FRMPD3: variants seen among roughly 807,000 people sequenced by gnomAD.
FRMPD3 encodes the protein FERM and PDZ domain containing 3, also known as FERM and PDZ domain-containing protein 3.
Under a neutral mutation model 97.9 loss-of-function variants are expected in FRMPD3, and 42 were observed. The observed-to-expected ratio is 0.43, with a 90% confidence interval of 0.34 to 0.55. The LOEUF (loss-of-function observed/expected upper bound fraction) is 0.55, where lower values mean the gene tolerates loss of function less well. Ranked by LOEUF, FRMPD3 falls within the 20% of genes least tolerant of loss-of-function variation. The probability of loss-of-function intolerance (pLI) is 0.03; values close to 1 mark genes in which losing one functional copy is unlikely to be tolerated. For synonymous variants in FRMPD3, 577 were observed against 581.1 expected, an observed-to-expected ratio of 0.99 and a Z score of 0.10; for missense variants, 1,303 against 1,457.7, an observed-to-expected ratio of 0.89 and a Z score of 1.73.
chrX:107,493,137 A>G (rs768380070), intron 1 of FRMPD3, among the ~76,000 whole-genome samples: 1 of 95,323 alleles, frequency 1.0e-5, no homozygotes, highest in African/African-American at 3.9e-5. Context: ...CTGTGATTGT[A>G]TCAATGCACT....
intron 4 of FRMPD3, among the ~76,000 whole-genome samples, chrX:107,540,380 C>T (rs1012444503): frequency 8.9e-6 from 1 of 111,952 alleles, no homozygotes; most frequent in Non-Finnish European, 1.9e-5. Context: ...GTTACCAAAG[C>T]GGGGCCCTAT....
chrX:107,523,829 C>G lies in FRMPD3; in HGVS notation c.-7-2753C>G, dbSNP rs766736455. Among the ~76,000 whole-genome samples, 3 of 112,278 alleles carry G rather than the reference C, an allele frequency of 2.7e-5. No individual in the cohort carries two copies. The South Asian group carries it at 1.1e-3, about 42-fold the overall frequency. ...TGATTCCTCTGGCTCCAGGAGTGCC[C>G]ATTTTCTTCAGAAGTGGTAGTACCT... On this transcript the variant is annotated intron_variant, in intron 1 of 14. Transcript: ENST00000683843.
intron 12 of FRMPD3, among the ~76,000 whole-genome samples, chrX:107,565,940 A>T (rs1922585643): frequency 1.8e-5 from 2 of 111,691 alleles, no homozygotes; most frequent in Non-Finnish European, 3.8e-5. Flanking sequence ...CATTGAAGAG[A>T]GGGTGTCTGA....
intron 13 of FRMPD3, among the ~76,000 whole-genome samples, chrX:107,595,558 C>T (rs985119635): frequency 9.0e-6 from 1 of 111,133 alleles, no homozygotes; most frequent in Admixed American, 9.7e-5. Flanking sequence ...CTATAGATTT[C>T]GGTTAGGTCT....
rs1206650771 is a variant in FRMPD3, at chrX:107,604,714, C to G, written c.*1341C>G. ...GCTTCTCGTCCGCCTCTCCATATCTCCCCATTTCCCACACCCTTGTGCCCT... is the reference window on the plus strand; with the variant it reads ...GCTTCTCGTCCGCCTCTCCATATCTGCCCATTTCCCACACCCTTGTGCCCT... On this transcript the variant is annotated 3_prime_UTR_variant, in exon 15 of 15. Transcript: ENST00000683843. 9.1e-6 allele frequency: 1 copy of G among 110,357 alleles called. No homozygotes were observed. The highest frequency in any genetic ancestry group is 1.9e-5 in the Non-Finnish European group (1 of 52,802). The allele number at this position is 110,357 out of a possible 1,213,427, so 9.1% of individuals were successfully genotyped here.
At chrX:107,595,612 A>G (rs1924128360) in intron 13 of FRMPD3, among the ~76,000 whole-genome samples, 2 of 110,834 alleles carry the variant, frequency 1.8e-5, no homozygotes, top group African/African-American at 6.6e-5. Flanking sequence ...TTCCTTGTTG[A>G]TATTCTGCTT....
At chrX:107,557,522 TA>T (rs1175088405) in intron 8 of FRMPD3, among the ~76,000 whole-genome samples, 1 of 109,458 alleles carries the variant, frequency 9.1e-6, no homozygotes, top group Non-Finnish European at 1.9e-5. Context: ...GTGTCATATC[TA>T]AAAAATCTTT....
intron 13 of FRMPD3, among the ~76,000 whole-genome samples, chrX:107,580,078 A>G (rs903162888): frequency 8.9e-6 from 1 of 112,029 alleles, no homozygotes; most frequent in African/African-American, 3.2e-5. Context: ...GCCAAGTACT[A>G]GAATGCTGGC....
At chrX:107,531,086 A>T (rs1922932737) in intron 3 of FRMPD3, among the ~76,000 whole-genome samples, 1 of 104,992 alleles carries the variant, frequency 9.5e-6, no homozygotes, top group Admixed American at 1.0e-4. Flanking sequence ...CATTGTCTTT[A>T]CCTATCCTTT....
At chrX:107,527,102 A>G (rs1922726235) in intron 2 of FRMPD3, among the ~76,000 whole-genome samples, 1 of 112,109 alleles carries the variant, frequency 8.9e-6, no homozygotes, top group Non-Finnish European at 1.9e-5. Context: ...CTCTAAGCCC[A>G]GCAATGTTGT....
chrX:107,542,019 T>C (rs1036568668), intron 4 of FRMPD3, among the ~76,000 whole-genome samples: 1 of 112,927 alleles, frequency 8.9e-6, no homozygotes, highest in Non-Finnish European at 1.9e-5. Flanking sequence ...TGAGGGCAGA[T>C]GATGGCAGAG....
chrX:107,480,899 A>AAGGAAGGAAGGAAG (rs1569410738), intron 1 of FRMPD3, among the ~76,000 whole-genome samples: 2 of 42,829 alleles, frequency 4.7e-5, no homozygotes, highest in African/African-American at 2.0e-4. Context: ...AAGGAAGGAA[A>AAGGAAGGAAGGAAG]GAAAGAAAGA....
At chrX:107,567,367 A>T (rs1279433975) in intron 12 of FRMPD3, among the ~76,000 whole-genome samples, 1 of 112,092 alleles carries the variant, frequency 8.9e-6, no homozygotes, top group Non-Finnish European at 1.9e-5. Context: ...AATGAATGAG[A>T]CCTGTTATTT....
Position 107,524,113 on chromosome X carries a change from C to T in FRMPD3, c.-7-2469C>T, listed in dbSNP as rs557935308. Among the ~76,000 whole-genome samples, 4 of 112,257 alleles carry T rather than the reference C, an allele frequency of 3.6e-5. No individual in the cohort carries two copies. In the South Asian group the frequency reaches 1.1e-3, roughly 31 times the overall value. On this transcript the variant is annotated intron_variant, in intron 1 of 14. Coordinates refer to ENST00000683843, the MANE Select transcript of FRMPD3 (RefSeq NM_001388459.1). ...GAAGTCCTTTTAGCGCCAACAAGTC[C>T]GGGTGGCAGGAAGCAAAGGGCTCAT...
In FRMPD3 at chrX:107,451,213, G is replaced by A. The variant is rs373795998; in HGVS notation, c.-8+1208G>A. Among the ~76,000 whole-genome samples the A allele has an allele frequency of 6.2e-5, 7 of 112,013 alleles. No individual in the cohort carries two copies. In the East Asian group the frequency reaches 2.0e-3, roughly 31 times the overall value. On this transcript the variant is annotated intron_variant, in intron 1 of 14. Coordinates refer to ENST00000683843, the MANE Select transcript of FRMPD3 (RefSeq NM_001388459.1). ...TGCAAAACCCTGGAGTCCACCGGGT[G>A]GTCTTAGCATCCTGCAGCTCTTACG...
intron 1 of FRMPD3, among the ~76,000 whole-genome samples, chrX:107,453,757 C>T (rs1225054942): frequency 9.0e-6 from 1 of 111,425 alleles, no homozygotes; most frequent in Non-Finnish European, 1.9e-5. Context: ...TCTTGGGGTT[C>T]TGTATTATTT....
At chrX:107,578,152 A>T (rs1018223292) in intron 13 of FRMPD3, among the ~76,000 whole-genome samples, 6 of 112,107 alleles carry the variant, frequency 5.4e-5, no homozygotes, top group Non-Finnish European at 1.1e-4. Context: ...GGAGAAAATG[A>T]AAAGGGAAGA....
At chrX:107,520,894 CAT>C (rs759150555) in intron 1 of FRMPD3, among the ~76,000 whole-genome samples, 8 of 112,095 alleles carry the variant, frequency 7.1e-5, no homozygotes, top group Non-Finnish European at 1.5e-4. Flanking sequence ...AATGGGGTGA[CAT>C]AATTTATGGA....
chrX:107,531,389 G>T (rs1386319156), intron 3 of FRMPD3, among the ~76,000 whole-genome samples: 2 of 103,455 alleles, frequency 1.9e-5, no homozygotes, highest in Non-Finnish European at 4.0e-5. Flanking sequence ...TCACCCCCTT[G>T]CTTAGTCTGA....
Sources: gnomAD v4.1 joint callset for allele counts (sites outside exome capture counted in the v4.1 genomes callset) on GRCh38, gnomAD v4.1.1 for gene constraint, MANE v1.5 for transcripts, NCBI Gene and HGNC (gene_info 2026-07-23, HGNC 2026-07-21) for gene names.